Variants in ST13 observed in about 807,000 individuals in gnomAD.
ST13 encodes hsc70-interacting protein.
A neutral mutation model predicts 56.7 loss-of-function variants in ST13; 23 were observed. That is an observed-to-expected ratio of 0.41 (90% confidence interval 0.29 to 0.57). The LOEUF is 0.57. ST13 is among the 20% of genes least tolerant of loss of function. ST13 has a pLI of 0.36. For missense variants in ST13, 369 were observed against 459.9 expected, an observed-to-expected ratio of 0.80 and a Z score of 1.81; for synonymous variants, 132 against 142.4, an observed-to-expected ratio of 0.93 and a Z score of 0.52.
chr22:40,831,448 T>C (rs978367433), intron 8 of ST13, among the ~76,000 whole-genome samples: 2 of 152,186 alleles, frequency 1.3e-5, no homozygotes, highest in Non-Finnish European at 2.9e-5. Context: ...CAAATTGCTA[T>C]AGGGATTAAG....
chr22:40,832,024 T>C (rs1316957564), intron 8 of ST13: 2 of 337,118 alleles, frequency 5.9e-6, no homozygotes, highest in Admixed American at 7.8e-5. Flanking sequence ...CTGGCTAACT[T>C]TTTGTACTTT....
intron 1 of ST13, among the ~76,000 whole-genome samples, chr22:40,852,272 G>A (rs1300166759): frequency 6.6e-6 from 1 of 152,172 alleles, no homozygotes; most frequent in Non-Finnish European, 1.5e-5. Flanking sequence ...ATTCTGATAG[G>A]TGCCTACTGG....
At chr22:40,850,650 C>T (rs528926495) in intron 2 of ST13, among the ~76,000 whole-genome samples, 173 bp downstream of exon 2, 5 of 152,272 alleles carry the variant, frequency 3.3e-5, no homozygotes, top group African/African-American at 1.2e-4. Flanking sequence ...AAATCAGAAT[C>T]CAGAGAATTC....
intron 2 of ST13, among the ~76,000 whole-genome samples, chr22:40,850,043 A>G (rs1164972736): frequency 5.9e-5 from 9 of 152,098 alleles, no homozygotes; most frequent in Admixed American, 5.9e-4. Flanking sequence ...AGATCAGTTG[A>G]GGTCAGGAGT....
chr22:40,845,454 T>C (rs1370439081), intron 3 of ST13, among the ~76,000 whole-genome samples: 2 of 152,158 alleles, frequency 1.3e-5, no homozygotes, highest in Non-Finnish European at 2.9e-5. Context: ...CATGAGCCAC[T>C]GCACCTGGTC....
At chr22:40,849,581 A>C (rs970436886) in intron 2 of ST13, among the ~76,000 whole-genome samples, 1 of 152,010 alleles carries the variant, frequency 6.6e-6, no homozygotes, top group African/African-American at 2.4e-5. Context: ...GTATTCTAGA[A>C]TATATTGAAA....
At position 40,856,531 on chromosome 22, in the gene ST13, G is replaced by T. The variant is rs754081438; in HGVS notation, c.10C>A (p.Arg4Ser). 1.2e-6 allele frequency: 2 copies of T among 1,612,228 alleles called. No individual in the cohort carries two copies. Among genetic ancestry groups the T allele is most frequent in the South Asian group, 1.1e-5 (1 of 91,012 alleles). ...AAGGCCCGAAGCTCGTTCACTTTGC[G>T]GGGGTCCATGGTAGGGAGGTGGTGG... is the stretch of plus-strand genomic sequence containing the variant. Reference protein sequence around the residue: MDPRKVNELRAFVK... With the variant: MDPSKVNELRAFVK... Residue 4 changes from arginine to serine, a missense_variant, in exon 1 of 12, where the codon CGC (arginine) becomes AGC (serine). This residue lies in a region of ST13 where 169 missense variants were observed against 175.6 expected (regional missense o/e 0.96). Transcript: ENST00000216218.
chr22:40,826,715 G>T, intron 11 of ST13, 49 bp from the exon 12 acceptor site: 1 of 1,593,876 alleles, frequency 6.3e-7, no homozygotes, highest in Non-Finnish European at 8.5e-7. Context: ...TACTGGGTCA[G>T]TAAGTTTATT....
intron 8 of ST13, among the ~76,000 whole-genome samples, chr22:40,831,726 C>T (rs916778194): frequency 6.6e-6 from 1 of 152,096 alleles, no homozygotes; most frequent in African/African-American, 2.4e-5. Flanking sequence ...CTGAACTTCC[C>T]ACAAAATGAA....
At chr22:40,848,902 C>G (rs1444299853) in intron 2 of ST13, among the ~76,000 whole-genome samples, 2 of 152,082 alleles carry the variant, frequency 1.3e-5, no homozygotes, top group African/African-American at 4.8e-5. Context: ...AAATAAGAAC[C>G]TGTGGAATTA....
In ST13 at chr22:40,832,634, C is replaced by A; in HGVS notation, c.616G>T (p.Ala206Ser). The change falls in exon 8 of 12, where the codon GCC becomes TCC. Residue 206 changes from alanine (A) to serine (S), a missense_variant. Ala to Ser is a moderately conservative substitution (Grantham distance 99). Transcript: ENST00000216218. ...TCATAATCCAATTTACAGGCAAGGG[C>A]AAGATCATGGGCTGCTTCTTCCCAG... ...GHWEEAAHDL[A>S]LACKLDYDED... 6.2e-7 allele frequency: 1 copy of A among 1,603,130 alleles called. No homozygotes were observed. Among genetic ancestry groups the A allele is most frequent in the Non-Finnish European group, 8.5e-7 (1 of 1,179,738 alleles).
At position 40,827,139 on chromosome 22, in the gene ST13, A is replaced by C. The variant is rs2057732293; in HGVS notation, c.938T>G (p.Leu313Arg). 6.2e-7 allele frequency: 1 copy of C among 1,612,226 alleles called. No homozygotes were observed. The highest frequency in any genetic ancestry group is 8.5e-7 in the Non-Finnish European group (1 of 1,179,994). The change falls in exon 11 of 12, where the codon CTC becomes CGC. Residue 313 changes from leucine (L) to arginine (R), a missense_variant. Transcript: ENST00000216218. Reference sequence around the variant, plus strand: ...CTCTGGATCACTAAGAATTTCATTGAGTCCAGGCATTCCAGCCATTCCAGG... The same window carrying C: ...CTCTGGATCACTAAGAATTTCATTGCGTCCAGGCATTCCAGCCATTCCAGG... ...GMPGMAGMPG[L>R]NEILSDPEVL... is the part of the protein sequence containing the mutation.
intron 1 of ST13, 79 bp downstream of exon 1, chr22:40,856,352 G>A: frequency 1.5e-6 from 2 of 1,306,956 alleles, no homozygotes; most frequent in Non-Finnish European, 1.1e-6. Context: ...TCGCCCGCCG[G>A]ACCGAGCCAG....
intron 7 of ST13, among the ~76,000 whole-genome samples, chr22:40,833,398 T>C (rs1334473695): frequency 6.6e-6 from 1 of 150,624 alleles, no homozygotes; most frequent in African/African-American, 2.5e-5. Flanking sequence ...TGAAACCCCA[T>C]CTCTACTAAA....
intron 4 of ST13, among the ~76,000 whole-genome samples, chr22:40,843,464 C>T (rs755871415): frequency 7.9e-5 from 12 of 151,974 alleles, no homozygotes; most frequent in Non-Finnish European, 1.6e-4. Context: ...AAAAAATAGA[C>T]AAGCAGAACA....
At chr22:40,835,529 G>T in intron 7 of ST13, 31 bp downstream of exon 7, 1 of 1,546,290 alleles carries the variant, frequency 6.5e-7, no homozygotes, top group Non-Finnish European at 8.9e-7. Flanking sequence ...AATGTAAAGA[G>T]TTCTGAAAAT....
intron 4 of ST13, among the ~76,000 whole-genome samples, chr22:40,841,067 C>T (rs2057802119): frequency 6.6e-6 from 1 of 152,014 alleles, no homozygotes; most frequent in African/African-American, 2.4e-5. Flanking sequence ...CCTTTGTTCC[C>T]ACAAACAACT....
chr22:40,849,882 T>A (rs2057852451), intron 2 of ST13, among the ~76,000 whole-genome samples: 1 of 148,130 alleles, frequency 6.8e-6, no homozygotes, highest in South Asian at 2.2e-4. Context: ...TATTTTCTTG[T>A]CGATTTAAGA....
intron 4 of ST13, among the ~76,000 whole-genome samples, chr22:40,842,111 T>C (rs907449643): frequency 6.6e-6 from 1 of 152,148 alleles, no homozygotes; most frequent in African/African-American, 2.4e-5. Context: ...ACAGCCAGCC[T>C]TTCATCTGGA....
Sources: gnomAD v4.1 joint callset for allele counts (sites outside exome capture counted in the v4.1 genomes callset) on GRCh38, gnomAD v4.1.1 for gene constraint, gnomAD v4.1.1 regional missense constraint, MANE v1.5 for transcripts, NCBI Gene and HGNC (gene_info 2026-07-23, HGNC 2026-07-21) for gene names.